The following GTF2A2 variants were observed in gnomAD, a reference collection of about 807,000 sequenced individuals.
The protein encoded by GTF2A2 is general transcription factor IIA subunit 2.
A neutral mutation model predicts 14.3 loss-of-function variants in GTF2A2; 9 were observed. The observed-to-expected ratio is 0.63, with a 90% CI of 0.38 to 1.10. GTF2A2 has a LOEUF of 1.10. Ranked by LOEUF, GTF2A2 falls within the 50% of genes least tolerant of loss-of-function variation. The probability of loss-of-function intolerance (pLI) is 0.01; values close to 1 mark genes in which losing one functional copy is unlikely to be tolerated. For missense variants in GTF2A2, 90 were observed against 124.6 expected, an observed-to-expected ratio of 0.72 and a Z score of 1.32; for synonymous variants, 56 against 46.0, an observed-to-expected ratio of 1.22 and a Z score of -0.88.
chr15:59,652,210 A>G lies in GTF2A2; in HGVS notation c.68T>C (p.Ile23Thr). 6.4e-7 allele frequency: 1 copy of G among 1,550,754 alleles called. No homozygotes were observed. The highest frequency in any genetic ancestry group is 8.9e-7 in the Non-Finnish European group (1 of 1,124,918). Residue 23 changes from isoleucine (I) to threonine (T), a missense_variant, in exon 2 of 5, where the codon ATA (isoleucine) becomes ACA (threonine). Ile to Thr is a moderately conservative substitution (Grantham distance 89). Coordinates refer to ENST00000396060, the MANE Select transcript of GTF2A2 (RefSeq NM_004492.3). ...NSLQESLDEL[I>T]QSQQITPQLA... The stretch of plus-strand genomic sequence containing the variant: ...ATTTTTAATTCAGTCTCCCACCTGT[A>G]TGAGCTCATCTAGGCTCTCCTGAAG...
At chr15:59,655,834 CTCTA>C (rs1255481743) in intron 1 of GTF2A2, among the ~76,000 whole-genome samples, 6 of 152,110 alleles carry the variant, frequency 3.9e-5, no homozygotes, top group African/African-American at 1.4e-4. Flanking sequence ...CCTCCACTCC[CTCTA>C]TCTCACTCTC....
chr15:59,646,039 A>T (rs1269293916), intron 3 of GTF2A2, among the ~76,000 whole-genome samples: 2 of 149,354 alleles, frequency 1.3e-5, no homozygotes, highest in African/African-American at 5.1e-5. Flanking sequence ...GCCTTAAAAA[A>T]AAAAAAAAAA....
intron 3 of GTF2A2, among the ~76,000 whole-genome samples, chr15:59,650,134 T>C (rs1891746568): frequency 6.6e-6 from 1 of 152,214 alleles, no homozygotes; most frequent in Non-Finnish European, 1.5e-5. Context: ...TTTATTCAGC[T>C]TTGGATGACT....
chr15:59,644,762 T>C (rs1891547596), intron 3 of GTF2A2, among the ~76,000 whole-genome samples: 1 of 152,154 alleles, frequency 6.6e-6, no homozygotes, highest in Admixed American at 6.5e-5. Flanking sequence ...GACAAACACT[T>C]GGAATGGGGT....
At position 59,642,170 on chromosome 15, in the gene GTF2A2, C is replaced by T. The variant is rs1236805409; in HGVS notation, c.270G>A (p.Val90=). ...CACAGGCTACAATTTTCACTTTATC[C>T]ACTTTAATAAGTTCTGTCACCTCTC... ...EFREVTELIK[V]DKVKIVACDG... is the part of the protein sequence containing the mutation. The change falls in exon 4 of 5, where the codon GTG becomes GTA. Residue 90 remains valine, a synonymous_variant. Transcript: ENST00000396060. 1.9e-6 allele frequency: 3 copies of T among 1,608,454 alleles called. No individual in the cohort carries two copies. Among genetic ancestry groups the T allele is most frequent in the Middle Eastern group, 3.3e-4 (2 of 6,046 alleles).
chr15:59,656,161 C>T (rs1336518704), intron 1 of GTF2A2, among the ~76,000 whole-genome samples: 1 of 152,144 alleles, frequency 6.6e-6, no homozygotes, highest in Non-Finnish European at 1.5e-5. Flanking sequence ...CTTCTTGTCC[C>T]TCCACCCCCA....
chr15:59,650,549 C>A (rs1396811682), intron 3 of GTF2A2, 120 bp downstream of exon 3: 2 of 571,256 alleles, frequency 3.5e-6, no homozygotes, highest in African/African-American at 1.9e-5. Context: ...AAACAAGTTC[C>A]AAAAATTGAC....
At chr15:59,645,740 G>C (rs748038451) in intron 3 of GTF2A2, among the ~76,000 whole-genome samples, 9 of 152,114 alleles carry the variant, frequency 5.9e-5, no homozygotes, top group African/African-American at 2.2e-4. Context: ...GATCTTAAGA[G>C]TGTGTATATT....
intron 4 of GTF2A2, 58 bp from the exon 5 acceptor site, chr15:59,639,215 A>C: frequency 9.5e-7 from 1 of 1,056,948 alleles, no homozygotes; most frequent in Non-Finnish European, 1.5e-6. Flanking sequence ...TTAATTTTAC[A>C]ATTAACTATT....
At chr15:59,649,194 T>C (rs1277566564) in intron 3 of GTF2A2, among the ~76,000 whole-genome samples, 1 of 152,196 alleles carries the variant, frequency 6.6e-6, no homozygotes, top group Non-Finnish European at 1.5e-5. Context: ...ATTGATCAAG[T>C]TGGCTGTAAC....
rs571906528 is a variant in GTF2A2, at chr15:59,650,632, T to C, written c.177+37A>G. The C allele has an allele frequency of 1.3e-5, 15 of 1,148,946 alleles. No homozygotes were observed. The African/African-American group carries it at 1.5e-4, about 12-fold the overall frequency. 71.2% of individuals were successfully genotyped at this position (1,148,946 alleles called of 1,614,324 possible). A position where few individuals can be genotyped will look rare whatever the true frequency, so the allele number is the denominator to read the frequency against. ...AAAAAAATCAGTGTTTTAACAACCATTGGTACAGGCTTCTAGATTCAGGAA... is the reference window on the plus strand; with the variant it reads ...AAAAAAATCAGTGTTTTAACAACCACTGGTACAGGCTTCTAGATTCAGGAA... On this transcript the variant is annotated intron_variant, in intron 3 of 4. Transcript: ENST00000396060.
chr15:59,650,647 A>G (rs1262870141), intron 3 of GTF2A2, 22 bp downstream of exon 3: 2 of 1,326,550 alleles, frequency 1.5e-6, no homozygotes, highest in Non-Finnish European at 2.2e-6. Flanking sequence ...ACAGGCTTCT[A>G]GATTCAGGAA....
chr15:59,640,217 A>G (rs1410342041), intron 4 of GTF2A2: 4 of 152,282 alleles, frequency 2.6e-5, no homozygotes, highest in African/African-American at 9.6e-5. Flanking sequence ...AACAAGGCCA[A>G]TCTGCTACTT....
At chr15:59,646,864 C>A (rs1313190220) in intron 3 of GTF2A2, among the ~76,000 whole-genome samples, 5 of 151,830 alleles carry the variant, frequency 3.3e-5, no homozygotes, top group African/African-American at 1.2e-4. Context: ...GAATTAGAAT[C>A]TCTAACATGA....
Position 59,650,696 on chromosome 15 carries a change from C to T in GTF2A2, c.150G>A (p.Gln50=). Residue 50 remains glutamine (Q), a synonymous_variant, in exon 3 of 5, where the codon CAG becomes CAA. Coordinates refer to ENST00000396060, the MANE Select transcript of GTF2A2 (RefSeq NM_004492.3). Reference sequence around the variant, plus strand: ...TGAAATTGACTCTGTTCCTGACCCTCTGAGCCAGTGCTGCATTTATAGCCT... The same window carrying T: ...TGAAATTGACTCTGTTCCTGACCCTTTGAGCCAGTGCTGCATTTATAGCCT... ...FDKAINAALA[Q]RVRNRVNFRG... is the part of the protein sequence containing the mutation. 6.2e-7 allele frequency: 1 copy of T among 1,604,640 alleles called. No individual in the cohort carries two copies. Among genetic ancestry groups the T allele is most frequent in the Non-Finnish European group, 8.5e-7 (1 of 1,171,424 alleles).
intron 3 of GTF2A2, among the ~76,000 whole-genome samples, chr15:59,650,005 C>T (rs994747359): frequency 6.6e-6 from 1 of 152,138 alleles, no homozygotes; most frequent in Non-Finnish European, 1.5e-5. Context: ...AATAAGCAAA[C>T]ATCATCATAT....
chr15:59,643,242 G>T (rs1373854834), intron 3 of GTF2A2, among the ~76,000 whole-genome samples: 1 of 151,666 alleles, frequency 6.6e-6, no homozygotes, highest in African/African-American at 2.4e-5. Context: ...ACCACGCCTA[G>T]CTAACTTTTG....
intron 3 of GTF2A2, among the ~76,000 whole-genome samples, chr15:59,648,859 G>A (rs969905710): frequency 6.6e-6 from 1 of 151,754 alleles, no homozygotes; most frequent in Non-Finnish European, 1.5e-5. Context: ...GCGTGAACCC[G>A]GGAGGCGGAG....
At chr15:59,655,296 T>G (rs1251151398) in intron 1 of GTF2A2, among the ~76,000 whole-genome samples, 1 of 152,208 alleles carries the variant, frequency 6.6e-6, no homozygotes, top group Non-Finnish European at 1.5e-5. Context: ...GCAAAATCCC[T>G]TAGTTTTGTC....
Sources: gnomAD v4.1 joint callset for allele counts (sites outside exome capture counted in the v4.1 genomes callset) on GRCh38, gnomAD v4.1.1 for gene constraint, MANE v1.5 for transcripts, NCBI Gene and HGNC (gene_info 2026-07-23, HGNC 2026-07-21) for gene names.